MDGA2: variants seen among roughly 807,000 people sequenced by gnomAD.
MDGA2 encodes the protein MAM domain containing glycosylphosphatidylinositol anchor 2.
Under a neutral mutation model 117.8 loss-of-function variants are expected in MDGA2, and 40 were observed. The observed-to-expected ratio is 0.34, with a 90% CI of 0.26 to 0.44. MDGA2 has a LOEUF of 0.44. Among genes scored for constraint, MDGA2 ranks in the 20% least tolerant of loss-of-function variants. The pLI, the probability that MDGA2 is intolerant of heterozygous loss-of-function variation, is 1.00. For missense variants in MDGA2, 1,123 were observed against 1,250.6 expected (o/e 0.90, Z 1.54); for synonymous variants, 452 against 439.0 (o/e 1.03, Z -0.37).
chr14:47,025,467 T>C lies in MDGA2; in HGVS notation c.1819+9544A>G, dbSNP rs184169735. On this transcript the variant is annotated intron_variant, in intron 8 of 16. Transcript: ENST00000399232. ...ATTTTGGCTCCTGTGGGGCTGAGGA[T>C]TCTGCCAGAGTTCCCATCCCCAAAT... Among the ~76,000 whole-genome samples, 628 of 152,220 alleles carry C rather than the reference T, an allele frequency of 4.1e-3. 7 individuals are homozygous for C. The highest frequency in any genetic ancestry group is 0.014 in the African/African-American group (597 of 41,552).
chr14:47,640,781 G>T (rs943372559), intron 1 of MDGA2, among the ~76,000 whole-genome samples: 1 of 152,032 alleles, frequency 6.6e-6, no homozygotes, highest in South Asian at 2.1e-4. Context: ...CTTTTACAAA[G>T]ACTTAAACAT....
intron 1 of MDGA2, among the ~76,000 whole-genome samples, chr14:47,525,132 C>T (rs893459628): frequency 1.3e-5 from 2 of 152,176 alleles, no homozygotes; most frequent in African/African-American, 4.8e-5. Context: ...AGCTTGCATC[C>T]TAACTCTGTC....
intron 3 of MDGA2, among the ~76,000 whole-genome samples, chr14:47,199,672 A>G (rs1412936835): frequency 6.6e-6 from 1 of 152,198 alleles, no homozygotes; most frequent in Non-Finnish European, 1.5e-5. Flanking sequence ...ATGTGGAATA[A>G]ATATTAATAA....
chr14:47,007,296 T>C (rs1026420376), intron 8 of MDGA2, among the ~76,000 whole-genome samples: 1 of 151,742 alleles, frequency 6.6e-6, no homozygotes, highest in African/African-American at 2.4e-5. Context: ...AATCCAAACA[T>C]TCAGTCATAA....
chr14:47,446,946 T>G lies in MDGA2; in HGVS notation c.281-145396A>C, dbSNP rs562919186. Among the ~76,000 whole-genome samples the G allele has an allele frequency of 3.3e-5, 5 of 152,310 alleles. No individual in the cohort carries two copies. In the East Asian group the frequency reaches 9.7e-4, roughly 29 times the overall value. On this transcript the variant is annotated intron_variant, in intron 1 of 16. Coordinates refer to ENST00000399232, the MANE Select transcript of MDGA2 (RefSeq NM_001113498.3). The stretch of plus-strand genomic sequence containing the variant: ...ATTCACATACTATGAATGAATCTCA[T>G]GCATTCTTGTAGTGACTCTAATCAT...
intron 3 of MDGA2, among the ~76,000 whole-genome samples, chr14:47,161,542 A>T (rs1883633899): frequency 6.6e-6 from 1 of 151,810 alleles, no homozygotes; most frequent in East Asian, 1.9e-4. Context: ...ATTTTTCTAA[A>T]ATATATATAT....
At chr14:47,528,268 T>C (rs1895014691) in intron 1 of MDGA2, among the ~76,000 whole-genome samples, 2 of 151,996 alleles carry the variant, frequency 1.3e-5, no homozygotes, top group Admixed American at 1.3e-4. Flanking sequence ...TCTCATTCAA[T>C]CAAATTTAAT....
At position 46,840,841 on chromosome 14, in the gene MDGA2, T is replaced by C. The variant is rs2138255460; in HGVS notation, c.*1090A>G. ...TTAATAACCTGGAAGAAAAAAAGTG[T>C]TGCTCCATGTCTGGTCTCAATGGAA... On this transcript the variant is annotated 3_prime_UTR_variant, in exon 17 of 17. Coordinates refer to ENST00000399232, the MANE Select transcript of MDGA2 (RefSeq NM_001113498.3). 1 of 152,690 alleles carries C rather than the reference T, an allele frequency of 6.5e-6. No homozygotes were observed. Among genetic ancestry groups the C allele is most frequent in the South Asian group, 2.1e-4 (1 of 4,830 alleles). 9.5% of individuals were successfully genotyped at this position (152,690 alleles called of 1,614,324 possible).
intron 3 of MDGA2, among the ~76,000 whole-genome samples, chr14:47,160,620 A>T (rs1241105838): frequency 6.6e-6 from 1 of 152,174 alleles, no homozygotes; most frequent in Non-Finnish European, 1.5e-5. Context: ...CCATAATTGC[A>T]TGCCACTCCA....
intron 3 of MDGA2, among the ~76,000 whole-genome samples, chr14:47,166,712 C>T (rs1459767951): frequency 6.6e-6 from 1 of 152,072 alleles, no homozygotes; most frequent in Non-Finnish European, 1.5e-5. Context: ...AAATGATTAT[C>T]GAAATGAAAA....
At chr14:47,427,728 ATT>A (rs1892719915) in intron 1 of MDGA2, among the ~76,000 whole-genome samples, 3 of 151,988 alleles carry the variant, frequency 2.0e-5, no homozygotes, top group Non-Finnish European at 2.9e-5. Context: ...CAAGTGGTGA[ATT>A]TGTTTCAATT....
chr14:47,529,177 C>A (rs1002683577), intron 1 of MDGA2, among the ~76,000 whole-genome samples: 8 of 151,748 alleles, frequency 5.3e-5, no homozygotes, highest in Admixed American at 5.3e-4. Context: ...TTTTTTTTTA[C>A]AAACTTTTTT....
rs141611726 is a variant in MDGA2 at position 47,356,505 on chromosome 14, T to C, written c.281-54955A>G. Among the ~76,000 whole-genome samples, 7 of 152,294 alleles carry C rather than the reference T, an allele frequency of 4.6e-5. No homozygotes were observed. The East Asian group carries it at 1.4e-3, about 29-fold the overall frequency. ...AGAGATAATCTGTCTGAATGTTGAA[T>C]ATGCCATGCGTATCCCCAGACTCAG... On this transcript the variant is annotated intron_variant, in intron 1 of 16. Transcript: ENST00000399232.
At chr14:47,194,487 A>T (rs1382864823) in intron 3 of MDGA2, among the ~76,000 whole-genome samples, 1 of 152,138 alleles carries the variant, frequency 6.6e-6, no homozygotes, top group Non-Finnish European at 1.5e-5. Flanking sequence ...TTTTAAAAAT[A>T]GGGATTATCC....
chr14:47,072,102 G>GAA (rs139558164), intron 6 of MDGA2, among the ~76,000 whole-genome samples: 1 of 34,318 alleles, frequency 2.9e-5, no homozygotes, highest in Admixed American at 4.3e-4. Flanking sequence ...GTTGTTGTTT[G>GAA]GGGGGGGGGG....
intron 1 of MDGA2, among the ~76,000 whole-genome samples, chr14:47,382,925 T>C (rs1234754205): frequency 1.3e-5 from 2 of 152,196 alleles, no homozygotes; most frequent in Non-Finnish European, 2.9e-5. Flanking sequence ...TGTGGCACTA[T>C]TCACAACAAC....
chr14:47,573,038 G>T (rs1566522015), intron 1 of MDGA2, among the ~76,000 whole-genome samples: 2 of 151,700 alleles, frequency 1.3e-5, no homozygotes, highest in Non-Finnish European at 2.9e-5. Context: ...ACAGTCTTCT[G>T]TTTTTTTTAG....
At chr14:47,013,253 T>TA (rs1566574319) in intron 8 of MDGA2, among the ~76,000 whole-genome samples, 1 of 152,184 alleles carries the variant, frequency 6.6e-6, no homozygotes, top group African/African-American at 2.4e-5. Flanking sequence ...TGTAATATTG[T>TA]AAATCTTTTG....
intron 1 of MDGA2, among the ~76,000 whole-genome samples, chr14:47,393,744 A>G (rs1450752195): frequency 6.6e-6 from 1 of 152,168 alleles, no homozygotes; most frequent in East Asian, 1.9e-4. Flanking sequence ...CTACATTGAT[A>G]TGATCACCAG....
Sources: gnomAD v4.1 joint callset for allele counts (sites outside exome capture counted in the v4.1 genomes callset) on GRCh38, gnomAD v4.1.1 for gene constraint, MANE v1.5 for transcripts, NCBI Gene and HGNC (gene_info 2026-07-23, HGNC 2026-07-21) for gene names.